C11orf91: variants seen among roughly 807,000 people sequenced by gnomAD.
The protein encoded by C11orf91 is uncharacterized protein C11orf91.
In C11orf91, 10 loss-of-function variants were observed where a neutral mutation model predicts 14.3. The ratio of observed to expected loss-of-function variants is 0.70; its 90% confidence interval spans 0.43 to 1.18. The LOEUF (loss-of-function observed/expected upper bound fraction) is 1.18, where lower values mean the gene tolerates loss of function less well. Among genes scored for constraint, C11orf91 ranks in the 50% most tolerant of loss-of-function variants. The probability of loss-of-function intolerance (pLI) is 0.00; values close to 1 mark genes in which losing one functional copy is unlikely to be tolerated. For missense variants in C11orf91, 236 were observed against 269.0 expected (o/e 0.88, Z 0.86); for synonymous variants, 141 against 130.6 (o/e 1.08, Z -0.54).
At chr11:33,703,550 G>A (rs1236159049), upstream of C11orf91, 3 of 152,370 alleles carry the variant, frequency 2.0e-5, no homozygotes, top group South Asian at 2.1e-4. Context: ...AGAGACACAA[G>A]TCCCTCTTCG....
chr11:33,701,619 C>G (rs894440925), upstream of C11orf91, among the ~76,000 whole-genome samples: 3 of 152,174 alleles, frequency 2.0e-5, no homozygotes, highest in Admixed American at 6.5e-5. Flanking sequence ...GGGGAAATAA[C>G]TAATACATTT....
Position 33,700,643 on chromosome 11 carries a change from G to A in C11orf91, c.98C>T (p.Ser33Leu), listed in dbSNP as rs930289271. The change falls in exon 1 of 2, where the codon TCG becomes TTG. Residue 33 changes from serine to leucine, a missense_variant. Physicochemically the swap from Ser to Leu is moderately radical, Grantham distance 145. Transcript: ENST00000379011. ...GATGTTGAAGTCGCTGAGCGGGGAC[G>A]AGGAGATGCCGCGGTCGTACAGGGA... ...FPSLYDRGIS[S>L]SPLSDFNIWK... 18 of 1,472,714 alleles carry A rather than the reference G, an allele frequency of 1.2e-5. No homozygotes were observed. In the East Asian group the frequency reaches 1.5e-4, roughly 12 times the overall value. The allele number at this position is 1,472,714 out of a possible 1,614,324, so 91.2% of individuals were successfully genotyped here. A position where few individuals can be genotyped will look rare whatever the true frequency, so the allele number is the denominator to read the frequency against.
At chr11:33,706,376 A>G in the C11orf91 span, 5 of 152,186 alleles carry the variant, frequency 3.3e-5, no homozygotes, top group African/African-American at 1.2e-4. Flanking sequence ...TGTCCAAGTC[A>G]GTGGGGGTAA....
chr11:33,701,789 A>G (rs1433302931), upstream of C11orf91, among the ~76,000 whole-genome samples: 1 of 140,944 alleles, frequency 7.1e-6, no homozygotes, highest in Admixed American at 6.9e-5. Context: ...GTGTAGCAGC[A>G]AAGTGGAGAG....
At chr11:33,700,156 C>A in intron 1 of C11orf91, 89 bp downstream of exon 1, 1 of 1,388,378 alleles carries the variant, frequency 7.2e-7, no homozygotes, top group Non-Finnish European at 9.6e-7. Context: ...GGAGTCAAAC[C>A]AGGCTACATT....
At chr11:33,701,360 AT>A (rs1343463926), upstream of C11orf91, among the ~76,000 whole-genome samples, 1 of 152,236 alleles carries the variant, frequency 6.6e-6, no homozygotes, top group Non-Finnish European at 1.5e-5. Flanking sequence ...GTTGAGGAAG[AT>A]TCTAGAAAAG....
intron 1 of C11orf91, 113 bp from the exon 2 acceptor site, chr11:33,698,627 G>A (rs1853065282): frequency 2.8e-6 from 2 of 721,904 alleles, no homozygotes; most frequent in Admixed American, 2.6e-5. Context: ...AACTCCATTT[G>A]TGATCCAAGA....
rs1334057144 is a variant in C11orf91 at position 33,700,580 on chromosome 11, G to GC, written c.160dup (p.Ala54GlyfsTer64). 6.9e-7 allele frequency: 1 copy of GC among 1,455,752 alleles called. No homozygotes were observed. The highest frequency in any genetic ancestry group is 9.0e-7 in the Non-Finnish European group (1 of 1,108,062). The allele number at this position is 1,455,752 out of a possible 1,614,324, so 90.2% of individuals were successfully genotyped here. ...GGCCCCCGCCGCCCCGCCCACTGGC[G>GC]CCCCGCCCGCCTTCAGCGGCACGAA... is the stretch of plus-strand genomic sequence containing the variant. On this transcript the variant is annotated frameshift_variant, in exon 1 of 2. Coordinates refer to ENST00000379011, the MANE Select transcript of C11orf91 (RefSeq NM_001166692.2). LOFTEE classifies it high-confidence loss of function.
chr11:33,701,722 TATATGC>T (rs1318923420), upstream of C11orf91, among the ~76,000 whole-genome samples: 4 of 150,794 alleles, frequency 2.7e-5, no homozygotes, highest in Non-Finnish European at 5.9e-5. Context: ...GTTAAATATA[TATATGC>T]ATATGTATCT....
chr11:33,702,692 T>C (rs1853150990), upstream of C11orf91: 1 of 352,562 alleles, frequency 2.8e-6, no homozygotes, highest in South Asian at 2.1e-5. Flanking sequence ...TTGTCTTCTG[T>C]TAATCTGTCT....
chr11:33,699,805 C>T (rs1395633198), intron 1 of C11orf91, among the ~76,000 whole-genome samples: 3 of 152,236 alleles, frequency 2.0e-5, no homozygotes, highest in Non-Finnish European at 1.5e-5. Context: ...AGACAACTGA[C>T]AGTCACCTTA....
intron 1 of C11orf91, among the ~76,000 whole-genome samples, chr11:33,699,829 C>G (rs924118293): frequency 6.6e-6 from 1 of 152,226 alleles, no homozygotes; most frequent in Non-Finnish European, 1.5e-5. Context: ...CACCTTCCCC[C>G]CATGGAGAGC....
At chr11:33,706,143 CACAGCTGCTGAAAA>C in the C11orf91 span, 1 of 152,124 alleles carries the variant, frequency 6.6e-6, no homozygotes, top group African/African-American at 2.4e-5. Context: ...TCTGGACCTA[CACAGCTGCTGAAAA>C]AGAGAAAATG....
At chr11:33,701,394 T>C (rs1416866912), upstream of C11orf91, among the ~76,000 whole-genome samples, 2 of 152,230 alleles carry the variant, frequency 1.3e-5, no homozygotes, top group Non-Finnish European at 2.9e-5. Flanking sequence ...TGGTTTGTAA[T>C]AGACCTGAAG....
chr11:33,700,937 T>TA (rs71034699), upstream of C11orf91: 1 of 435,954 alleles, frequency 2.3e-6, no homozygotes, highest in Admixed American at 4.5e-5. Flanking sequence ...CCCGCCCACC[T>TA]CGGCTGGCCG....
upstream of C11orf91, among the ~76,000 whole-genome samples, chr11:33,701,048 C>T (rs143446815): frequency 0.017 from 2,579 of 152,346 alleles, 40 homozygotes; most frequent in Non-Finnish European, 0.029. Flanking sequence ...ACCCCGCTGG[C>T]TTCCGTTGTC....
At chr11:33,703,148 G>A (rs1013987705), upstream of C11orf91, 3 of 152,068 alleles carry the variant, frequency 2.0e-5, no homozygotes, top group African/African-American at 7.3e-5. Context: ...ATTTTACTCT[G>A]GATGGCTTAA....
upstream of C11orf91, chr11:33,704,664 T>A (rs1390656103): frequency 6.6e-6 from 1 of 152,212 alleles, no homozygotes; most frequent in Non-Finnish European, 1.5e-5. Context: ...TTAAGTAACT[T>A]GCCTGAGGGT....
At position 33,700,764 on chromosome 11, in the gene C11orf91, G is replaced by C; in HGVS notation, c.-24C>G. The C allele has an allele frequency of 1.6e-6, 2 of 1,279,776 alleles. No homozygotes were observed. Among genetic ancestry groups the C allele is most frequent in the Non-Finnish European group, 2.0e-6 (2 of 1,014,376 alleles). 79.3% of individuals were successfully genotyped at this position (1,279,776 alleles called of 1,614,324 possible). ...ATCGTTTGAATGAGGGTCTGCGTGG[G>C]AGGAACCCCGCGCCGGGAGACGCGC... On this transcript the variant is annotated 5_prime_UTR_variant, in exon 1 of 2. Coordinates refer to ENST00000379011, the MANE Select transcript of C11orf91 (RefSeq NM_001166692.2).
Sources: allele counts gnomAD v4.1 joint callset (sites outside exome capture counted in the v4.1 genomes callset), GRCh38; gene constraint gnomAD v4.1.1; transcripts MANE v1.5; gene names NCBI Gene and HGNC (gene_info 2026-07-23, HGNC 2026-07-21).